The following IQSEC3 variants were observed in gnomAD, a reference collection of about 807,000 sequenced individuals.
The protein encoded by IQSEC3 is IQ motif and Sec7 domain ArfGEF 3.
In IQSEC3, 50 loss-of-function variants were observed where a neutral mutation model predicts 105.4. That is an observed-to-expected ratio of 0.47 (90% CI 0.38 to 0.60). The LOEUF (loss-of-function observed/expected upper bound fraction) is 0.60, where lower values mean the gene tolerates loss of function less well. Ranked by LOEUF, IQSEC3 falls within the 20% of genes least tolerant of loss-of-function variation. IQSEC3 has a pLI of 0.00. For synonymous variants in IQSEC3, 708 were observed against 746.0 expected, an observed-to-expected ratio of 0.95 and a Z score of 0.83; for missense variants, 1,415 against 1,630.0, an observed-to-expected ratio of 0.87 and a Z score of 2.27.
At chr12:141,668 G>GAC in intron 5 of IQSEC3, 2 of 220,160 alleles carry the variant, frequency 9.1e-6, no homozygotes, top group Non-Finnish European at 1.8e-5. Context: ...CCTCCCCCAG[G>GAC]ACCCTCCCAT....
chr12:74,286 G>A (rs1461237875), intron 1 of IQSEC3, among the ~76,000 whole-genome samples: 2 of 152,392 alleles, frequency 1.3e-5, no homozygotes, highest in Admixed American at 1.3e-4. Context: ...AGCAGGGAGG[G>A]ACTAAGAGGC....
chr12:151,605 C>G (rs1482730520), intron 5 of IQSEC3, among the ~76,000 whole-genome samples: 1 of 152,212 alleles, frequency 6.6e-6, no homozygotes, highest in Admixed American at 6.5e-5. Flanking sequence ...TTAGAACAAA[C>G]AGGACCCTGT....
chr12:92,453 C>T (rs1864117876), intron 1 of IQSEC3, among the ~76,000 whole-genome samples: 1 of 152,164 alleles, frequency 6.6e-6, no homozygotes, highest in African/African-American at 2.4e-5. Flanking sequence ...TGAGAATGCC[C>T]CTCCCAGGCT....
At chr12:103,436 A>C (rs1272217268) in intron 2 of IQSEC3, among the ~76,000 whole-genome samples, 1 of 57,868 alleles carries the variant, frequency 1.7e-5, no homozygotes, top group Non-Finnish European at 3.3e-5. Context: ...AGGTTGGCTC[A>C]GGAGGGGAGG....
intron 2 of IQSEC3, among the ~76,000 whole-genome samples, chr12:116,810 G>A (rs1455190700): frequency 6.6e-6 from 1 of 152,244 alleles, no homozygotes; most frequent in Non-Finnish European, 1.5e-5. Context: ...TGAGGCAGCA[G>A]TGTTGATTAT....
rs559760590 is a variant in IQSEC3, at chr12:73,233, A to C, written c.554+5797A>C. ...GGGCTTTGGGCAAGCACGCCTGGGG[A>C]GAAATCTTGGTACCTCCCCAGCTGT... On this transcript the variant is annotated intron_variant, in intron 1 of 13. Coordinates refer to ENST00000538872, the MANE Select transcript of IQSEC3 (RefSeq NM_001170738.2). 4.6e-5 allele frequency among the ~76,000 whole-genome samples: 7 copies of C among 152,318 alleles called. No homozygotes were observed. The East Asian group carries it at 9.6e-4, about 21-fold the overall frequency.
chr12:102,944 C>T (rs1359551681), intron 2 of IQSEC3, among the ~76,000 whole-genome samples: 12 of 152,122 alleles, frequency 7.9e-5, no homozygotes, highest in Non-Finnish European at 1.8e-4. Flanking sequence ...CCTAGGAAGG[C>T]AATGTATGTC....
intron 1 of IQSEC3, among the ~76,000 whole-genome samples, chr12:74,368 A>G (rs1454828477): frequency 6.6e-6 from 1 of 152,214 alleles, no homozygotes; most frequent in Non-Finnish European, 1.5e-5. Flanking sequence ...GAAAATGAAA[A>G]CAAATGAAAA....
In IQSEC3 at chr12:138,403, T is replaced by G; in HGVS notation, c.1040T>G (p.Leu347Arg). ...CGCAACTCGCTTCTGGAGAGCCGCC[T>G]GCCACGGCGGATCTCCCTGCGCAAG... ...KIRNSLLESR[L>R]PRRISLRKVR... Residue 347 changes from leucine to arginine, a missense_variant, in exon 4 of 14, where the codon CTG (leucine) becomes CGG (arginine). Leu to Arg is a moderately radical substitution (Grantham distance 102). Around this residue, in one of 6 missense-constraint regions of IQSEC3, gnomAD observed 720 missense variants for 633.0 expected, o/e 1.14. Coordinates refer to ENST00000538872, the MANE Select transcript of IQSEC3 (RefSeq NM_001170738.2). This position sits in a 1 kb window ranked among gnomAD's most constrained non-coding sequence, Gnocchi z 7.1. 1.2e-6 allele frequency: 2 copies of G among 1,610,184 alleles called. No homozygotes were observed. Among genetic ancestry groups the G allele is most frequent in the Non-Finnish European group, 1.7e-6 (2 of 1,179,856 alleles).
At chr12:123,235 T>A (rs56067554) in intron 2 of IQSEC3, among the ~76,000 whole-genome samples, 1,999 of 152,184 alleles carry the variant, frequency 0.013, 27 homozygotes, top group Middle Eastern at 0.041. Flanking sequence ...TGGGACCCTG[T>A]CTCTACAAAA....
intron 12 of IQSEC3, among the ~76,000 whole-genome samples, chr12:169,507 T>TGACCA (rs771875352): frequency 2.8e-4 from 42 of 152,136 alleles, no homozygotes; most frequent in Non-Finnish European, 5.3e-4. Flanking sequence ...GAGGGCAGGG[T>TGACCA]GACCAGAAGG....
At chr12:133,497 C>T (rs1865662116) in intron 3 of IQSEC3, among the ~76,000 whole-genome samples, 2 of 152,350 alleles carry the variant, frequency 1.3e-5, no homozygotes, top group South Asian at 4.1e-4. Context: ...AGATCTGCCT[C>T]TTCCTTGCTG....
intron 5 of IQSEC3, chr12:148,764 GT>G (rs1307361687): frequency 6.6e-6 from 1 of 152,162 alleles, no homozygotes; most frequent in African/African-American, 2.4e-5. Flanking sequence ...GCAATAGGTG[GT>G]TTAGATTTCC....
intron 1 of IQSEC3, among the ~76,000 whole-genome samples, chr12:76,086 TCACACACACACACACACACA>T (rs55736036): frequency 6.1e-4 from 91 of 148,448 alleles, no homozygotes; most frequent in East Asian, 4.4e-3. Flanking sequence ...GAGAGTTTCA[TCACACACACACACACACACA>T]CACACACACA....
chr12:170,020 A>T (rs1555099803), intron 12 of IQSEC3, among the ~76,000 whole-genome samples: 1 of 152,242 alleles, frequency 6.6e-6, no homozygotes, highest in African/African-American at 2.4e-5. Flanking sequence ...GTCGGCCCTG[A>T]GTCCTGACTT....
intron 2 of IQSEC3, among the ~76,000 whole-genome samples, chr12:114,898 A>G (rs1555080330): frequency 1.3e-5 from 2 of 152,224 alleles, no homozygotes; most frequent in East Asian, 3.8e-4. Flanking sequence ...TGTCACACAT[A>G]CAGCAGGAGC....
Position 111,332 on chromosome 12 carries a change from A to G in IQSEC3, c.623+12118A>G, listed in dbSNP as rs181853996. On this transcript the variant is annotated intron_variant, in intron 2 of 13. Coordinates refer to ENST00000538872, the MANE Select transcript of IQSEC3 (RefSeq NM_001170738.2). ...GCTTTTTGGGCCAGATAAAACAACAAACTTTATCATCTTTTGCTTTTCCTT... is the reference window on the plus strand; with the variant it reads ...GCTTTTTGGGCCAGATAAAACAACAGACTTTATCATCTTTTGCTTTTCCTT... Among the ~76,000 whole-genome samples the G allele has an allele frequency of 3.7e-4, 57 of 152,196 alleles. No homozygotes were observed. The East Asian group carries it at 9.4e-3, about 25-fold the overall frequency.
In IQSEC3 at chr12:157,097, C is replaced by G; in HGVS notation, c.2226C>G (p.Ile742Met). The G allele has an allele frequency of 6.2e-7, 1 of 1,603,550 alleles. No homozygotes were observed. The highest frequency in any genetic ancestry group is 8.5e-7 in the Non-Finnish European group (1 of 1,174,896). ...DEALRKFQAH[I>M]RVQGEAQKVE... ...CCCTGCGCAAGTTCCAGGCACACAT[C>G]CGTGTGCAGGGGGAGGCTCAGAAGG... The change falls in exon 6 of 14, where the codon ATC becomes ATG. Residue 742 changes from isoleucine (I) to methionine (M), a missense_variant. By Grantham distance (10) the Ile-to-Met change is conservative. Around this residue, in one of 6 missense-constraint regions of IQSEC3, gnomAD observed 213 missense variants for 306.2 expected, o/e 0.70. Transcript: ENST00000538872.
rs1196442297 is a variant in IQSEC3 at position 107,711 on chromosome 12, G to A, written c.623+8497G>A. On this transcript the variant is annotated intron_variant, in intron 2 of 13. Coordinates refer to ENST00000538872, the MANE Select transcript of IQSEC3 (RefSeq NM_001170738.2). Reference sequence around the variant, plus strand: ...AGGCGTGAGCCACCGCGCCCGGCCGGTAGTCTGTTTTCTAACTACCTTTTT... The same window carrying A: ...AGGCGTGAGCCACCGCGCCCGGCCGATAGTCTGTTTTCTAACTACCTTTTT... Among the ~76,000 whole-genome samples, 3 of 151,934 alleles carry A rather than the reference G, an allele frequency of 2.0e-5. No individual in the cohort carries two copies. The East Asian group carries it at 5.8e-4, about 29-fold the overall frequency.
Sources: allele counts gnomAD v4.1 joint callset (sites outside exome capture counted in the v4.1 genomes callset), GRCh38; gene constraint gnomAD v4.1.1; regional missense constraint gnomAD v4.1.1; non-coding constraint Gnocchi (gnomAD v3.1); transcripts MANE v1.5; gene names NCBI Gene and HGNC (gene_info 2026-07-23, HGNC 2026-07-21).